Variants in SEC63 observed in about 807,000 individuals in gnomAD.
SEC63 encodes SEC63 protein translocation regulator.
A neutral mutation model predicts 116.2 loss-of-function variants in SEC63; 56 were observed. That is an observed-to-expected ratio of 0.48 (90% CI 0.39 to 0.60). SEC63 has a LOEUF of 0.60. Among genes scored for constraint, SEC63 ranks in the 20% least tolerant of loss-of-function variants. SEC63 has a pLI of 0.00. For missense variants in SEC63, 668 were observed against 900.0 expected, an observed-to-expected ratio of 0.74 and a Z score of 3.30; for synonymous variants, 273 against 294.6, an observed-to-expected ratio of 0.93 and a Z score of 0.75.
intron 5 of SEC63, 24 bp downstream of exon 5, chr6:107,913,341 AT>A: frequency 6.9e-7 from 1 of 1,445,840 alleles, no homozygotes; most frequent in Non-Finnish European, 9.7e-7. Context: ...TATCGCCAAT[AT>A]TTTAAAATCA....
chr6:107,943,074 TTC>T (rs1430784989), intron 1 of SEC63, among the ~76,000 whole-genome samples: 1 of 152,216 alleles, frequency 6.6e-6, no homozygotes, highest in Non-Finnish European at 1.5e-5. Context: ...AGAGATCACT[TTC>T]TATGGTGATA....
chr6:107,937,834 A>G (rs932138122), intron 1 of SEC63, among the ~76,000 whole-genome samples: 4 of 152,072 alleles, frequency 2.6e-5, no homozygotes. Flanking sequence ...TAAAAAAAAA[A>G]TTTCTTCTTT....
At chr6:107,898,218 G>A (rs1321228527) in intron 13 of SEC63, among the ~76,000 whole-genome samples, 2 of 150,546 alleles carry the variant, frequency 1.3e-5, no homozygotes, top group Non-Finnish European at 1.5e-5. Context: ...AGCCCAGATC[G>A]TACCACTGCA....
intron 4 of SEC63, among the ~76,000 whole-genome samples, chr6:107,918,733 G>C (rs976229447): frequency 2.6e-5 from 4 of 151,040 alleles, no homozygotes; most frequent in Non-Finnish European, 5.9e-5. Flanking sequence ...CATACACTTT[G>C]TAAAGCTATA....
At chr6:107,877,961 A>G (rs1177019278) in intron 18 of SEC63, among the ~76,000 whole-genome samples, 1 of 152,220 alleles carries the variant, frequency 6.6e-6, no homozygotes, top group Non-Finnish European at 1.5e-5. Flanking sequence ...TTCTGCTTAA[A>G]CCGAGGGTTA....
At chr6:107,890,779 C>A (rs1174472047) in intron 16 of SEC63, among the ~76,000 whole-genome samples, 1 of 152,164 alleles carries the variant, frequency 6.6e-6, no homozygotes, top group Non-Finnish European at 1.5e-5. Context: ...GACAAAATCC[C>A]TCCGCATTTC....
intron 1 of SEC63, among the ~76,000 whole-genome samples, chr6:107,939,747 T>C (rs189692340): frequency 9.9e-5 from 15 of 152,040 alleles, no homozygotes; most frequent in Non-Finnish European, 1.8e-4. Context: ...AACTAAAAAA[T>C]AGTTAAAAAT....
rs17854429 is a variant in SEC63 at position 107,901,476 on chromosome 6, T to C, written c.1251A>G (p.Glu417=). The part of the protein sequence containing the change: ...KTIQDLVSLK[E]SDRHTLLHFL... The stretch of plus-strand genomic sequence containing the variant: ...AGTGCAGTAGAGTGTGACGATCTGA[T>C]TCTTTTAAACTCACCAAATCCTGGA... The change falls in exon 13 of 21, where the codon GAA becomes GAG. Residue 417 remains glutamate, a synonymous_variant. Coordinates refer to ENST00000369002, the MANE Select transcript of SEC63 (RefSeq NM_007214.5). 6.2e-7 allele frequency: 1 copy of C among 1,608,434 alleles called. No homozygotes were observed. The highest frequency in any genetic ancestry group is 1.1e-5 in the South Asian group (1 of 90,948).
At chr6:107,951,972 C>CAAA (rs796395901) in intron 1 of SEC63, among the ~76,000 whole-genome samples, 1 of 100,940 alleles carries the variant, frequency 9.9e-6, no homozygotes, top group Non-Finnish European at 2.3e-5. Flanking sequence ...GACTCCATCT[C>CAAA]AAAAAAAAAA....
intron 2 of SEC63, among the ~76,000 whole-genome samples, chr6:107,927,953 T>C (rs1787712393): frequency 6.6e-6 from 1 of 152,164 alleles, no homozygotes; most frequent in South Asian, 2.1e-4. Context: ...CCCCCAAATA[T>C]TTTCGATTCA....
At chr6:107,899,373 T>C (rs1786943920) in intron 13 of SEC63, among the ~76,000 whole-genome samples, 1 of 152,218 alleles carries the variant, frequency 6.6e-6, no homozygotes, top group Non-Finnish European at 1.5e-5. Context: ...CACTCTTAAA[T>C]TTCTACTTTC....
intron 1 of SEC63, among the ~76,000 whole-genome samples, chr6:107,956,823 T>C (rs6568520): frequency 0.99 from 150,333 of 152,312 alleles, 74,216 homozygotes; most frequent in African/African-American, 1. Context: ...TAACAACTTC[T>C]CCAAGTAGAG....
intron 5 of SEC63, 116 bp downstream of exon 5, chr6:107,913,250 T>C: frequency 2.6e-6 from 2 of 775,628 alleles, no homozygotes; most frequent in Non-Finnish European, 4.4e-6. Flanking sequence ...TTTATCTATG[T>C]TAAACTCCAT....
Position 107,899,023 on chromosome 6 carries a change from T to TA in SEC63, c.1358-1293dup, listed in dbSNP as rs1786933200. Among the ~76,000 whole-genome samples, 3 of 152,336 alleles carry TA rather than the reference T, an allele frequency of 2.0e-5. No individual in the cohort carries two copies. In the South Asian group the frequency reaches 6.2e-4, roughly 32 times the overall value. ...TATCAAAAATCAAATCTGGGCCACA[T>TA]ATTCATCTACATTTTTCATTTTGCA... On this transcript the variant is annotated intron_variant, in intron 13 of 20. Transcript: ENST00000369002.
At chr6:107,948,400 T>C (rs1340870351) in intron 1 of SEC63, among the ~76,000 whole-genome samples, 2 of 152,114 alleles carry the variant, frequency 1.3e-5, no homozygotes, top group African/African-American at 4.8e-5. Flanking sequence ...TAAAATGAGA[T>C]AATACATGAA....
intron 10 of SEC63, 76 bp downstream of exon 10, chr6:107,906,372 A>C: frequency 6.7e-7 from 1 of 1,488,590 alleles, no homozygotes; most frequent in South Asian, 1.1e-5. Context: ...GAACAAACTA[A>C]TACACACCAT....
At chr6:107,898,206 T>C (rs1312692620) in intron 13 of SEC63, among the ~76,000 whole-genome samples, 1 of 150,356 alleles carries the variant, frequency 6.7e-6, no homozygotes, top group Non-Finnish European at 1.5e-5. Flanking sequence ...GAGGTTGCAG[T>C]GAGCCCAGAT....
chr6:107,933,100 G>A (rs1787849468), intron 1 of SEC63, among the ~76,000 whole-genome samples: 1 of 152,126 alleles, frequency 6.6e-6, no homozygotes, highest in Admixed American at 6.6e-5. Flanking sequence ...AAGACAGATG[G>A]TAATGTGACA....
chr6:107,937,216 G>A lies in SEC63; in HGVS notation c.125-7702C>T, dbSNP rs184401044. Among the ~76,000 whole-genome samples, 75 of 147,546 alleles carry A rather than the reference G, an allele frequency of 5.1e-4. 1 individual carries two copies. The highest frequency in any genetic ancestry group is 1.7e-3 in the African/African-American group (68 of 39,902). On this transcript the variant is annotated intron_variant, in intron 1 of 20. Transcript: ENST00000369002. ...CAGCTCATTGCAACCTCCACCTCCC[G>A]GGTTCAAGTGATTCTCCTGCCTCAG...
Sources: allele counts gnomAD v4.1 joint callset (sites outside exome capture counted in the v4.1 genomes callset), GRCh38; gene constraint gnomAD v4.1.1; transcripts MANE v1.5; gene names NCBI Gene and HGNC (gene_info 2026-07-23, HGNC 2026-07-21).